The following TLN2 variants were observed in gnomAD, a reference collection of about 807,000 sequenced individuals.
TLN2 encodes talin 2.
TLN2 carries 118 observed loss-of-function variants against 294.7 expected under a neutral mutation model. That is an observed-to-expected ratio of 0.40 (90% CI 0.34 to 0.47). The LOEUF is 0.47. TLN2 is among the 20% of genes least tolerant of loss of function. TLN2 has a pLI of 0.84. For missense variants in TLN2, 3,083 were observed against 3,282.2 expected, an observed-to-expected ratio of 0.94 and a Z score of 1.48; for synonymous variants, 1,431 against 1,304.5, an observed-to-expected ratio of 1.10 and a Z score of -2.09.
chr15:62,805,012 C>T (rs1345316638), intron 50 of TLN2, among the ~76,000 whole-genome samples: 8 of 152,098 alleles, frequency 5.3e-5, no homozygotes, highest in Non-Finnish European at 8.8e-5. Context: ...GGGGGTGGGT[C>T]GGTGGGTTGC....
chr15:62,529,166 T>TC (rs2040900760), intron 1 of TLN2, among the ~76,000 whole-genome samples: 2 of 151,942 alleles, frequency 1.3e-5, no homozygotes, highest in Non-Finnish European at 2.9e-5. Flanking sequence ...TGATCATGAC[T>TC]CCCTGCAGCC....
chr15:62,697,403 C>T (rs889227660), intron 14 of TLN2, among the ~76,000 whole-genome samples: 1 of 152,136 alleles, frequency 6.6e-6, no homozygotes, highest in Non-Finnish European at 1.5e-5. Flanking sequence ...GATACTGCAC[C>T]CGGCCTTGTT....
intron 27 of TLN2, among the ~76,000 whole-genome samples, chr15:62,725,336 C>T (rs2060379382): frequency 6.6e-6 from 1 of 152,158 alleles, no homozygotes; most frequent in Admixed American, 6.5e-5. Flanking sequence ...TCCCATATCT[C>T]CTCTATGTCT....
At chr15:62,507,847 G>A (rs1259843692) in intron 1 of TLN2, among the ~76,000 whole-genome samples, 1 of 152,126 alleles carries the variant, frequency 6.6e-6, no homozygotes, top group East Asian at 1.9e-4. Flanking sequence ...AAGATGTATG[G>A]GACTCTAAGG....
At chr15:62,683,279 A>G (rs772271063) in intron 11 of TLN2, among the ~76,000 whole-genome samples, 6 of 152,174 alleles carry the variant, frequency 3.9e-5, no homozygotes, top group Non-Finnish European at 8.8e-5. Context: ...GAATCAGGCA[A>G]TCTCTACACC....
chr15:62,587,586 C>T (rs1567148221), intron 1 of TLN2, among the ~76,000 whole-genome samples: 1 of 152,178 alleles, frequency 6.6e-6, no homozygotes, highest in Non-Finnish European at 1.5e-5. Context: ...CAACATGTCT[C>T]ATATCTGTGG....
chr15:62,473,669 A>G (rs768538569), intron 1 of TLN2, among the ~76,000 whole-genome samples: 77 of 152,232 alleles, frequency 5.1e-4, no homozygotes, highest in Non-Finnish European at 9.3e-4. Flanking sequence ...GAGGGCTTCA[A>G]TAGTTGTGTG....
chr15:62,838,867 T>C lies in TLN2; in HGVS notation c.7386T>C (p.Asn2462=). The change falls in exon 58 of 59, where the codon AAT becomes AAC. Residue 2462 remains asparagine, a synonymous_variant. Coordinates refer to ENST00000636159, the MANE Select transcript of TLN2 (RefSeq NM_015059.3). Reference sequence around the variant, plus strand: ...TGTTCACTCTCCAGGCGGCAGGAAATGCTGTGAAAAGAGCCTCAGACAATC... The same window carrying C: ...TGTTCACTCTCCAGGCGGCAGGAAACGCTGTGAAAAGAGCCTCAGACAATC... ...EAMRRLQAAG[N]AVKRASDNLV... 1.2e-6 allele frequency: 2 copies of C among 1,609,566 alleles called. No individual in the cohort carries two copies. The highest frequency in any genetic ancestry group is 1.7e-6 in the Non-Finnish European group (2 of 1,179,894).
intron 28 of TLN2, among the ~76,000 whole-genome samples, chr15:62,731,000 G>A (rs2060694483): frequency 6.6e-6 from 1 of 151,918 alleles, no homozygotes; most frequent in Admixed American, 6.6e-5. Flanking sequence ...TTCTTTTCAT[G>A]CTTTAATCTC....
chr15:62,835,892 C>T lies in TLN2; in HGVS notation c.7193C>T (p.Ala2398Val). 6.2e-7 allele frequency: 1 copy of T among 1,614,162 alleles called. No homozygotes were observed. The highest frequency in any genetic ancestry group is 8.5e-7 in the Non-Finnish European group (1 of 1,180,024). The part of the protein sequence containing the change: ...GQWSQGLISA[A>V]RMVAAATSSL... ...CACTTCTCCGTTGACTGTCCCCAGG[C>T]CCGGATGGTGGCGGCTGCGACCAGC... The change falls in exon 57 of 59, where the codon GCC (alanine) becomes GTC (valine). Residue 2398 changes from alanine to valine, a missense_variant and splice_region_variant. Transcript: ENST00000636159.
chr15:62,683,856 A>C (rs984524561), intron 11 of TLN2: 3 of 152,246 alleles, frequency 2.0e-5, no homozygotes, highest in African/African-American at 7.2e-5. Context: ...CATAGGAAGG[A>C]AAGAGGGAGC....
intron 1 of TLN2, among the ~76,000 whole-genome samples, chr15:62,465,653 A>G (rs1266809981): frequency 6.6e-6 from 1 of 152,232 alleles, no homozygotes; most frequent in Admixed American, 6.5e-5. Flanking sequence ...TCTATCCATG[A>G]AACAATGGCT....
chr15:62,816,706 G>C (rs753983575), intron 52 of TLN2, among the ~76,000 whole-genome samples: 1 of 152,286 alleles, frequency 6.6e-6, no homozygotes, highest in South Asian at 2.1e-4. Flanking sequence ...TTAATTATGA[G>C]TGTCCGCACC....
intron 54 of TLN2, 163 bp from the exon 55 acceptor site, chr15:62,833,341 T>A (rs2069078666): frequency 9.2e-7 from 1 of 1,087,136 alleles, no homozygotes; most frequent in Non-Finnish European, 1.3e-6. Flanking sequence ...ACAGGGGACC[T>A]GTCATCTGCT....
chr15:62,820,520 C>T lies in TLN2; in HGVS notation c.6912C>T (p.Val2304=), dbSNP rs1415586845. ...TEWVDPEDPT[V]IAETELLGAA... ...GGGTGGATCCAGAAGACCCAACTGTCATTGCAGAAACAGAGTTACTGGGGG... is the reference window on the plus strand; with the variant it reads ...GGGTGGATCCAGAAGACCCAACTGTTATTGCAGAAACAGAGTTACTGGGGG... The change falls in exon 54 of 59, where the codon GTC becomes GTT. Residue 2304 remains valine, a synonymous_variant. Coordinates refer to ENST00000636159, the MANE Select transcript of TLN2 (RefSeq NM_015059.3). 6.2e-7 allele frequency: 1 copy of T among 1,613,990 alleles called. No individual in the cohort carries two copies. The highest frequency in any genetic ancestry group is 1.3e-5 in the African/African-American group (1 of 75,028).
chr15:62,416,268 A>G (rs1181827410), intron 1 of TLN2, among the ~76,000 whole-genome samples: 2 of 152,322 alleles, frequency 1.3e-5, no homozygotes, highest in Admixed American at 6.5e-5. Context: ...CTGCATTCCA[A>G]CCTGGGTAAC....
At chr15:62,577,629 C>T (rs886924320) in intron 1 of TLN2, among the ~76,000 whole-genome samples, 1 of 152,032 alleles carries the variant, frequency 6.6e-6, no homozygotes, top group African/African-American at 2.4e-5. Context: ...ATTGTTGAAG[C>T]TGAGTGATGA....
chr15:62,455,707 G>C (rs2036437269), intron 1 of TLN2, among the ~76,000 whole-genome samples: 1 of 152,206 alleles, frequency 6.6e-6, no homozygotes, highest in Non-Finnish European at 1.5e-5. Flanking sequence ...ACGGGTCACT[G>C]CTTATCATCC....
At chr15:62,787,385 C>T (rs576523523) in intron 45 of TLN2, among the ~76,000 whole-genome samples, 2 of 152,144 alleles carry the variant, frequency 1.3e-5, no homozygotes, top group East Asian at 3.9e-4. Flanking sequence ...TTCCTTAGAC[C>T]CCCTCCAACT....
Sources: allele counts gnomAD v4.1 joint callset (sites outside exome capture counted in the v4.1 genomes callset), GRCh38; gene constraint gnomAD v4.1.1; transcripts MANE v1.5; gene names NCBI Gene and HGNC (gene_info 2026-07-23, HGNC 2026-07-21).